Variants in COL21A1 observed in about 807,000 individuals in gnomAD.
The protein encoded by COL21A1 is collagen type XXI alpha 1 chain, also known as collagen alpha-1(XXI) chain.
In COL21A1, 149 loss-of-function variants were observed where a neutral mutation model predicts 137.9. That is an observed-to-expected ratio of 1.08 (90% confidence interval 0.95 to 1.24). The LOEUF is 1.24. Among genes scored for constraint, COL21A1 ranks in the 50% most tolerant of loss-of-function variants. The pLI is 0.00. For synonymous variants in COL21A1, 456 were observed against 391.5 expected, an observed-to-expected ratio of 1.16 and a Z score of -1.95; for missense variants, 1,167 against 1,158.4, an observed-to-expected ratio of 1.01 and a Z score of -0.11.
intron 1 of COL21A1, among the ~76,000 whole-genome samples, chr6:56,315,053 T>A (rs968285689): frequency 6.6e-6 from 1 of 152,238 alleles, no homozygotes; most frequent in Non-Finnish European, 1.5e-5. Flanking sequence ...GCCAGTGTAA[T>A]AAATGCTATA....
intron 1 of COL21A1, among the ~76,000 whole-genome samples, chr6:56,244,160 G>A (rs1245356249): frequency 6.6e-6 from 1 of 152,114 alleles, no homozygotes; most frequent in Admixed American, 6.5e-5. Flanking sequence ...AGTGAGCCAG[G>A]TTATGTAAAC....
chr6:56,276,720 TC>T (rs1459963374), intron 1 of COL21A1: 10 of 1,414,786 alleles, frequency 7.1e-6, no homozygotes, highest in Non-Finnish European at 1.0e-5. Context: ...ATTCACGGCT[TC>T]CTTATAAACA....
At chr6:56,333,574 A>G (rs1765278008) in intron 1 of COL21A1, among the ~76,000 whole-genome samples, 1 of 152,132 alleles carries the variant, frequency 6.6e-6, no homozygotes, top group African/African-American at 2.4e-5. Flanking sequence ...GCTATTACAA[A>G]TAAAGCTGCT....
At chr6:56,272,263 A>G (rs1482912759) in intron 1 of COL21A1, among the ~76,000 whole-genome samples, 2 of 152,222 alleles carry the variant, frequency 1.3e-5, no homozygotes, top group East Asian at 3.9e-4. Flanking sequence ...TGGATGTGAG[A>G]CCTGGAGTCA....
intron 1 of COL21A1, among the ~76,000 whole-genome samples, chr6:56,281,531 T>G (rs1582753715): frequency 2.0e-5 from 3 of 152,252 alleles, no homozygotes; most frequent in African/African-American, 7.2e-5. Context: ...CTTCCAGAAT[T>G]TTATAATTTT....
intron 1 of COL21A1, among the ~76,000 whole-genome samples, chr6:56,350,813 G>A (rs960654371): frequency 1.4e-4 from 21 of 152,320 alleles, no homozygotes; most frequent in South Asian, 4.1e-4. Context: ...AAGTTACAGC[G>A]TTAGTGCGAA....
chr6:56,072,907 A>G (rs942738927), intron 20 of COL21A1, among the ~76,000 whole-genome samples: 1 of 150,966 alleles, frequency 6.6e-6, no homozygotes, highest in Non-Finnish European at 1.5e-5. Flanking sequence ...CACAAGATGC[A>G]GAAAACCAAC....
intron 3 of COL21A1, among the ~76,000 whole-genome samples, chr6:56,175,881 T>C (rs1439671108): frequency 6.6e-6 from 1 of 152,118 alleles, no homozygotes; most frequent in Admixed American, 6.6e-5. Context: ...TTTCAAAATA[T>C]ATTGCAAAGC....
chr6:56,170,481 C>G (rs1582546637), intron 5 of COL21A1, among the ~76,000 whole-genome samples, 168 bp downstream of exon 5: 1 of 151,910 alleles, frequency 6.6e-6, no homozygotes, highest in East Asian at 1.9e-4. Flanking sequence ...GATCAAGAAA[C>G]AATTTTCCTT....
At chr6:56,069,024 G>C (rs779397873) in intron 22 of COL21A1, 22 bp downstream of exon 22, 4 of 1,552,990 alleles carry the variant, frequency 2.6e-6, no homozygotes, top group South Asian at 1.2e-5. Flanking sequence ...AAAGCGAACT[G>C]TATCTCCTAA....
chr6:56,388,478 T>G (rs114575437), intron 1 of COL21A1, among the ~76,000 whole-genome samples: 15 of 152,346 alleles, frequency 9.8e-5, no homozygotes, highest in African/African-American at 3.6e-4. Context: ...AATTCTCCCT[T>G]ATTTTACCCA....
chr6:56,224,045 A>G (rs1169291828), intron 1 of COL21A1, among the ~76,000 whole-genome samples: 1 of 152,236 alleles, frequency 6.6e-6, no homozygotes, highest in Admixed American at 6.6e-5. Flanking sequence ...TTTTTCCAGT[A>G]TAAACATTGG....
chr6:56,346,904 G>C (rs1765609731), intron 1 of COL21A1, among the ~76,000 whole-genome samples: 1 of 152,116 alleles, frequency 6.6e-6, no homozygotes, highest in South Asian at 2.1e-4. Context: ...CGAGGATCTT[G>C]TCCCTCCTGG....
intron 1 of COL21A1, among the ~76,000 whole-genome samples, chr6:56,300,488 A>G (rs1034827046): frequency 2.6e-5 from 4 of 152,138 alleles, no homozygotes; most frequent in Admixed American, 2.6e-4. Flanking sequence ...AAACTGGGTA[A>G]ATTGCTCATT....
At chr6:56,210,990 A>G (rs942483321) in intron 1 of COL21A1, among the ~76,000 whole-genome samples, 1 of 151,492 alleles carries the variant, frequency 6.6e-6, no homozygotes, top group Admixed American at 6.6e-5. Flanking sequence ...TTCACCATTT[A>G]AAAAAAATGT....
chr6:56,164,582 T>G (rs1159931227), intron 8 of COL21A1, 76 bp from the exon 9 acceptor site: 10 of 1,132,612 alleles, frequency 8.8e-6, no homozygotes, highest in Non-Finnish European at 1.0e-5. Flanking sequence ...GTTTATGCAT[T>G]TATATATTTG....
At chr6:56,194,311 A>G (rs1699135626) in intron 1 of COL21A1, among the ~76,000 whole-genome samples, 1 of 152,224 alleles carries the variant, frequency 6.6e-6, no homozygotes, top group Non-Finnish European at 1.5e-5. Context: ...TTATTTAATC[A>G]TTAAAACTGG....
chr6:56,098,448 T>TAGATATATATAA (rs1489110171), intron 17 of COL21A1, among the ~76,000 whole-genome samples: 1 of 4,406 alleles, frequency 2.3e-4, no homozygotes, highest in Non-Finnish European at 3.3e-4. Flanking sequence ...TAAATATATA[T>TAGATATATATAA]ATATATATAA....
Position 56,198,921 on chromosome 6 carries a change from A to G in COL21A1, c.-38-16265T>C, listed in dbSNP as rs191299849. 2.1e-4 allele frequency among the ~76,000 whole-genome samples: 32 copies of G among 152,262 alleles called. 1 individual carries two copies. Among genetic ancestry groups the G allele is most frequent in the Middle Eastern group, 6.8e-3 (2 of 294 alleles). ...CAAGAATGACATTACTAATTAAAAC[A>G]TGAGTTTTCTTTTTTATTAACTGAA... On this transcript the variant is annotated intron_variant, in intron 1 of 29. Coordinates refer to ENST00000244728, the MANE Select transcript of COL21A1 (RefSeq NM_030820.4).
Sources: gnomAD v4.1 joint callset for allele counts (sites outside exome capture counted in the v4.1 genomes callset) on GRCh38, gnomAD v4.1.1 for gene constraint, MANE v1.5 for transcripts, NCBI Gene and HGNC (gene_info 2026-07-23, HGNC 2026-07-21) for gene names.